The following ALCAM variants were observed in gnomAD, a reference collection of about 807,000 sequenced individuals.
ALCAM encodes CD166 antigen.
A neutral mutation model predicts 70.9 loss-of-function variants in ALCAM; 30 were observed. That is an observed-to-expected ratio of 0.42 (90% confidence interval 0.32 to 0.57). The LOEUF is 0.57. Among genes scored for constraint, ALCAM ranks in the 20% least tolerant of loss-of-function variants. The pLI, the probability that ALCAM is intolerant of heterozygous loss-of-function variation, is 0.11. For missense variants in ALCAM, 591 were observed against 695.1 expected, an observed-to-expected ratio of 0.85 and a Z score of 1.68; for synonymous variants, 249 against 242.5, an observed-to-expected ratio of 1.03 and a Z score of -0.25.
chr3:105,414,389 T>A (rs1201035697), intron 1 of ALCAM, among the ~76,000 whole-genome samples: 35 of 152,020 alleles, frequency 2.3e-4, no homozygotes. Context: ...CACTTCAGCC[T>A]GGGTAACAGA....
intron 1 of ALCAM, among the ~76,000 whole-genome samples, chr3:105,454,121 T>G (rs1937498649): frequency 6.6e-6 from 1 of 152,106 alleles, no homozygotes; most frequent in African/African-American, 2.4e-5. Flanking sequence ...AAAAGGGAGA[T>G]AAAATAATAT....
At chr3:105,398,182 G>GACC (rs1467436843) in intron 1 of ALCAM, among the ~76,000 whole-genome samples, 3 of 152,060 alleles carry the variant, frequency 2.0e-5, no homozygotes, top group Non-Finnish European at 4.4e-5. Flanking sequence ...CCAGTCCTGG[G>GACC]ACCACACTTT....
intron 14 of ALCAM, among the ~76,000 whole-genome samples, chr3:105,562,794 AAATT>A (rs1423587538): frequency 6.6e-6 from 1 of 152,124 alleles, no homozygotes; most frequent in Admixed American, 6.5e-5. Context: ...GTAAATTTTT[AAATT>A]AATTAATTCA....
intron 1 of ALCAM, among the ~76,000 whole-genome samples, chr3:105,387,568 C>G (rs958564468): frequency 1.3e-5 from 2 of 151,626 alleles, no homozygotes; most frequent in Non-Finnish European, 3.0e-5. Flanking sequence ...GTCTGCGTCA[C>G]TAACTCTATT....
intron 3 of ALCAM, chr3:105,524,740 T>C (rs972130201): frequency 5.5e-5 from 70 of 1,276,298 alleles, no homozygotes; most frequent in Non-Finnish European, 6.6e-5. Flanking sequence ...TCTCTGTTAC[T>C]TTGTCATGTA....
intron 1 of ALCAM, among the ~76,000 whole-genome samples, chr3:105,435,733 T>A (rs185471989): frequency 2.0e-5 from 3 of 152,368 alleles, no homozygotes; most frequent in African/African-American, 7.2e-5. Context: ...AGTCCATTTT[T>A]ATGCTGTTGA....
intron 14 of ALCAM, 44 bp downstream of exon 14, chr3:105,552,629 T>TG: frequency 6.2e-7 from 1 of 1,609,748 alleles, no homozygotes; most frequent in Middle Eastern, 1.7e-4. Flanking sequence ...TGACTTTCAC[T>TG]GGGAGAAAAT....
chr3:105,553,257 G>A (rs979615209), intron 14 of ALCAM: 3 of 358,992 alleles, frequency 8.4e-6, no homozygotes, highest in Admixed American at 6.5e-5. Flanking sequence ...ATGAACCAGC[G>A]AAGATTCTTA....
At chr3:105,492,993 G>T (rs1000156716) in intron 1 of ALCAM, among the ~76,000 whole-genome samples, 3 of 151,850 alleles carry the variant, frequency 2.0e-5, no homozygotes, top group African/African-American at 2.4e-5. Context: ...TCTCAGTTCT[G>T]CAAATTAAGT....
intron 1 of ALCAM, among the ~76,000 whole-genome samples, chr3:105,377,683 C>T (rs77770609): frequency 0.015 from 2,211 of 152,050 alleles, 44 homozygotes; most frequent in African/African-American, 0.05. Flanking sequence ...CAGGTATTTA[C>T]CATGAATTTT....
intron 1 of ALCAM, among the ~76,000 whole-genome samples, chr3:105,492,443 G>T (rs1042038670): frequency 1.3e-5 from 2 of 152,172 alleles, no homozygotes; most frequent in African/African-American, 4.8e-5. Context: ...CTTTGTTAAT[G>T]AAGAAACCTC....
intron 1 of ALCAM, among the ~76,000 whole-genome samples, chr3:105,517,322 C>G (rs182407348): frequency 1.3e-5 from 2 of 152,238 alleles, no homozygotes; most frequent in African/African-American, 4.8e-5. Flanking sequence ...ATCCAACTTA[C>G]TGCCACTCAT....
intron 1 of ALCAM, among the ~76,000 whole-genome samples, chr3:105,402,251 A>G (rs1936107921): frequency 3.3e-5 from 5 of 152,190 alleles, no homozygotes; most frequent in African/African-American, 1.2e-4. Flanking sequence ...TATTGCAACT[A>G]GAAGATGTTG....
chr3:105,524,424 A>C lies in ALCAM; in HGVS notation c.310A>C (p.Arg104=). The change falls in exon 3 of 16, where the codon AGG becomes CGG. Residue 104 remains arginine, a synonymous_variant. Transcript: ENST00000306107. ...CTACACTTTGTCTATCAGTAATGCA[A>C]GGATCAGTGATGAAAAGAGATTTGT... is the stretch of plus-strand genomic sequence containing the variant. ...ENYTLSISNA[R]ISDEKRFVCM... The C allele has an allele frequency of 6.2e-7, 1 of 1,614,174 alleles. No homozygotes were observed. Among genetic ancestry groups the C allele is most frequent in the Non-Finnish European group, 8.5e-7 (1 of 1,180,012 alleles).
At chr3:105,412,871 A>G (rs1936423524) in intron 1 of ALCAM, among the ~76,000 whole-genome samples, 1 of 152,114 alleles carries the variant, frequency 6.6e-6, no homozygotes, top group Admixed American at 6.6e-5. Flanking sequence ...TAATAGGAAT[A>G]TTAAATAGAA....
At chr3:105,503,312 G>A (rs1168171095) in intron 1 of ALCAM, among the ~76,000 whole-genome samples, 1 of 152,222 alleles carries the variant, frequency 6.6e-6, no homozygotes, top group Admixed American at 6.5e-5. Flanking sequence ...TTCACACATA[G>A]TGTATGATAT....
intron 1 of ALCAM, among the ~76,000 whole-genome samples, chr3:105,469,161 G>T (rs1445814455): frequency 1.0e-5 from 1 of 96,496 alleles, no homozygotes; most frequent in Non-Finnish European, 2.0e-5. Context: ...CCCCCAACAA[G>T]TATTGCGGGG....
At chr3:105,466,017 C>T (rs1204263784) in intron 1 of ALCAM, among the ~76,000 whole-genome samples, 2 of 151,418 alleles carry the variant, frequency 1.3e-5, no homozygotes, top group Non-Finnish European at 3.0e-5. Flanking sequence ...ATTAATTTTG[C>T]ATTCATCTTT....
At chr3:105,451,557 A>C (rs892035220) in intron 1 of ALCAM, among the ~76,000 whole-genome samples, 2 of 152,178 alleles carry the variant, frequency 1.3e-5, no homozygotes, top group African/African-American at 4.8e-5. Flanking sequence ...AACAAAAAGA[A>C]AGCAGGTCTA....
Sources: allele counts gnomAD v4.1 joint callset (sites outside exome capture counted in the v4.1 genomes callset), GRCh38; gene constraint gnomAD v4.1.1; transcripts MANE v1.5; gene names NCBI Gene and HGNC (gene_info 2026-07-23, HGNC 2026-07-21).